The following KALRN variants were observed in gnomAD, a reference collection of about 807,000 sequenced individuals.
KALRN encodes kalirin.
KALRN carries 70 observed loss-of-function variants against 353.7 expected under a neutral mutation model. The ratio of observed to expected loss-of-function variants is 0.20; its 90% CI spans 0.16 to 0.24. The LOEUF (loss-of-function observed/expected upper bound fraction) is 0.24, where lower values mean the gene tolerates loss of function less well. KALRN is among the 10% of genes least tolerant of loss of function. The probability of loss-of-function intolerance (pLI) is 1.00; values close to 1 mark genes in which losing one functional copy is unlikely to be tolerated. For missense variants in KALRN, 2,791 were observed against 3,756.7 expected, an observed-to-expected ratio of 0.74 and a Z score of 6.72; for synonymous variants, 1,391 against 1,434.8, an observed-to-expected ratio of 0.97 and a Z score of 0.69.
chr3:124,666,461 G>A lies in KALRN; in HGVS notation c.6358G>A (p.Ala2120Thr). ...GTCTTTCCTTCAGGGCACTCTGACTGCTCAGGGGAAGCTGCTGCAGCAGGA... is the reference window on the plus strand; with the variant it reads ...GTCTTTCCTTCAGGGCACTCTGACTACTCAGGGGAAGCTGCTGCAGCAGGA... ...RLQGFEGTLT[A>T]QGKLLQQDTF... is the part of the protein sequence containing the mutation. The change falls in exon 46 of 60, where the codon GCT becomes ACT. Residue 2120 changes from alanine to threonine, a missense_variant. By Grantham distance (58) the Ala-to-Thr change is moderately conservative (BLOSUM62 0). Around this residue, in one of 11 missense-constraint regions of KALRN, gnomAD observed 1,065 missense variants for 1,156.4 expected, o/e 0.92. Coordinates refer to ENST00000682506, the MANE Select transcript of KALRN (RefSeq NM_001388419.1). 2 of 1,613,946 alleles carry A rather than the reference G, an allele frequency of 1.2e-6. No homozygotes were observed. Among genetic ancestry groups the A allele is most frequent in the Non-Finnish European group, 1.7e-6 (2 of 1,179,852 alleles).
intron 8 of KALRN, among the ~76,000 whole-genome samples, chr3:124,330,284 ACACC>A (rs1224125241): frequency 6.2e-4 from 83 of 134,040 alleles, no homozygotes; most frequent in African/African-American, 2.2e-3. Context: ...ACACACACAC[ACACC>A]CCATACACCT....
chr3:124,703,044 G>A (rs544900412), intron 57 of KALRN, among the ~76,000 whole-genome samples: 27 of 152,148 alleles, frequency 1.8e-4, no homozygotes, highest in African/African-American at 6.0e-4. Flanking sequence ...CCTTCCCCCC[G>A]GATGTATAAA....
intron 5 of KALRN, among the ~76,000 whole-genome samples, chr3:124,271,718 C>T (rs1376651542): frequency 6.6e-6 from 1 of 152,194 alleles, no homozygotes; most frequent in East Asian, 1.9e-4. Flanking sequence ...ACCTGTTAGC[C>T]CCTAGGTCTC....
chr3:124,408,646 G>T (rs1294895646), intron 13 of KALRN, among the ~76,000 whole-genome samples: 1 of 152,038 alleles, frequency 6.6e-6, no homozygotes, highest in Non-Finnish European at 1.5e-5. Context: ...TCTGAAGAAA[G>T]AACTATACAG....
At chr3:124,427,335 T>C (rs952075268) in intron 15 of KALRN, among the ~76,000 whole-genome samples, 8 of 152,244 alleles carry the variant, frequency 5.3e-5, no homozygotes, top group Non-Finnish European at 7.3e-5. Flanking sequence ...GGCTCCCTGC[T>C]ACCATCTGAG....
At chr3:124,642,806 G>GTTTTTTTGTTGTTGGTGTTTTTTTT (rs1553707032) in intron 37 of KALRN, among the ~76,000 whole-genome samples, 1 of 96,840 alleles carries the variant, frequency 1.0e-5, no homozygotes, top group Non-Finnish European at 1.9e-5. Flanking sequence ...CCCAAGCCTC[G>GTTTTTTTGTTGTTGGTGTTTTTTTT]TTTTTTTTTT....
chr3:124,425,565 G>T (rs2092976357), intron 15 of KALRN, among the ~76,000 whole-genome samples: 1 of 152,188 alleles, frequency 6.6e-6, no homozygotes, highest in African/African-American at 2.4e-5. Flanking sequence ...GTCCTCTGCT[G>T]CACCTACTTG....
At chr3:124,554,278 C>T (rs567907767) in intron 33 of KALRN, among the ~76,000 whole-genome samples, 1 of 152,312 alleles carries the variant, frequency 6.6e-6, no homozygotes, top group South Asian at 2.1e-4. Flanking sequence ...ATCACTTGAC[C>T]TGGGAGGTGG....
At chr3:124,635,269 A>G (rs1029211462) in intron 36 of KALRN, among the ~76,000 whole-genome samples, 2 of 152,198 alleles carry the variant, frequency 1.3e-5, no homozygotes, top group African/African-American at 4.8e-5. Context: ...TTTTATAAAC[A>G]GCGATCATGG....
intron 34 of KALRN, among the ~76,000 whole-genome samples, chr3:124,621,180 C>T (rs1244456022): frequency 2.0e-5 from 3 of 152,166 alleles, no homozygotes; most frequent in African/African-American, 7.2e-5. Flanking sequence ...GCTCAGATAT[C>T]TGTACACATT....
At chr3:124,660,881 T>G (rs1331737014) in intron 43 of KALRN, 42 bp from the exon 44 acceptor site, 2 of 1,410,628 alleles carry the variant, frequency 1.4e-6, no homozygotes, top group Non-Finnish European at 2.0e-6. Context: ...TTTACTAATT[T>G]TACCCCTTCC....
At chr3:124,483,693 A>C (rs1262107939) in intron 28 of KALRN, among the ~76,000 whole-genome samples, 1 of 152,226 alleles carries the variant, frequency 6.6e-6, no homozygotes, top group Non-Finnish European at 1.5e-5. Context: ...GAGGGAAAAT[A>C]GTCAAAGGGT....
chr3:124,210,119 G>A (rs1042765958), intron 1 of KALRN, among the ~76,000 whole-genome samples: 2 of 152,128 alleles, frequency 1.3e-5, no homozygotes, highest in African/African-American at 4.8e-5. Flanking sequence ...CTGTATCTCA[G>A]TTTTTCCTCT....
At chr3:124,174,211 A>G (rs1578959749) in intron 1 of KALRN, among the ~76,000 whole-genome samples, 1 of 151,954 alleles carries the variant, frequency 6.6e-6, no homozygotes, top group East Asian at 2.0e-4. Context: ...AGGTGGATGG[A>G]TCACTTGAGG....
chr3:124,259,079 C>T (rs184110590), intron 3 of KALRN, among the ~76,000 whole-genome samples: 1 of 152,248 alleles, frequency 6.6e-6, no homozygotes, highest in African/African-American at 2.4e-5. Context: ...CTGAAAGAAG[C>T]AGAGTTAGGA....
At chr3:124,324,943 C>G (rs1178420280) in intron 6 of KALRN, among the ~76,000 whole-genome samples, 1 of 152,190 alleles carries the variant, frequency 6.6e-6, no homozygotes, top group Non-Finnish European at 1.5e-5. Flanking sequence ...CTCCTTCATG[C>G]AGACATTGTG....
At chr3:124,483,701 G>A (rs1426345260) in intron 28 of KALRN, among the ~76,000 whole-genome samples, 1 of 152,130 alleles carries the variant, frequency 6.6e-6, no homozygotes, top group South Asian at 2.1e-4. Context: ...ATAGTCAAAG[G>A]GTACATATTA....
intron 33 of KALRN, among the ~76,000 whole-genome samples, chr3:124,526,656 G>T (rs1452212753): frequency 6.6e-5 from 10 of 152,120 alleles, no homozygotes; most frequent in African/African-American, 2.4e-4. Flanking sequence ...GTTAGATAGA[G>T]TAGCACCACT....
chr3:124,618,381 C>T (rs1297290770), intron 34 of KALRN, among the ~76,000 whole-genome samples: 1 of 152,046 alleles, frequency 6.6e-6, no homozygotes, highest in East Asian at 1.9e-4. Flanking sequence ...TCTCAAAGTG[C>T]TGGGATTATA....
Sources: gnomAD v4.1 joint callset for allele counts (sites outside exome capture counted in the v4.1 genomes callset) on GRCh38, gnomAD v4.1.1 for gene constraint, gnomAD v4.1.1 regional missense constraint, MANE v1.5 for transcripts, NCBI Gene and HGNC (gene_info 2026-07-23, HGNC 2026-07-21) for gene names.